The following ADAM12 variants were observed in gnomAD, a reference collection of about 807,000 sequenced individuals.
ADAM12 encodes the protein disintegrin and metalloproteinase domain-containing protein 12.
In ADAM12, 70 loss-of-function variants were observed where a neutral mutation model predicts 106.4. The observed-to-expected ratio is 0.66, with a 90% confidence interval of 0.54 to 0.80. The LOEUF (loss-of-function observed/expected upper bound fraction) is 0.80. Ranked by LOEUF, ADAM12 falls within the 30% of genes least tolerant of loss-of-function variation. The probability of loss-of-function intolerance (pLI) is 0.00; values close to 1 mark genes in which losing one functional copy is unlikely to be tolerated. For missense variants in ADAM12, 1,010 were observed against 1,171.9 expected, an observed-to-expected ratio of 0.86 and a Z score of 2.02; for synonymous variants, 420 against 433.5, an observed-to-expected ratio of 0.97 and a Z score of 0.39.
At chr10:126,085,643 A>G (rs1448381097) in intron 11 of ADAM12, among the ~76,000 whole-genome samples, 1 of 151,684 alleles carries the variant, frequency 6.6e-6, no homozygotes. Flanking sequence ...CTTTCCATCC[A>G]TCCTTTGTCT....
intron 3 of ADAM12, among the ~76,000 whole-genome samples, chr10:126,266,832 C>T (rs7913210): frequency 4.2e-4 from 64 of 152,170 alleles, no homozygotes; most frequent in Middle Eastern, 3.4e-3. Context: ...CTAAACAACC[C>T]GATTTCACGA....
intron 18 of ADAM12, among the ~76,000 whole-genome samples, chr10:126,040,485 C>G (rs1025865278): frequency 6.6e-6 from 1 of 152,272 alleles, no homozygotes; most frequent in Non-Finnish European, 1.5e-5. Context: ...GTCTTTCACA[C>G]CTTCTTGGTT....
intron 21 of ADAM12, among the ~76,000 whole-genome samples, chr10:126,028,926 A>G (rs1366844632): frequency 6.6e-6 from 1 of 152,212 alleles, no homozygotes; most frequent in Non-Finnish European, 1.5e-5. Flanking sequence ...ACAAGAAAAC[A>G]GTAAAAAGTG....
At chr10:126,038,390 C>A in intron 19 of ADAM12, 41 bp from the exon 20 acceptor site, 1 of 1,458,210 alleles carries the variant, frequency 6.9e-7, no homozygotes, top group East Asian at 2.4e-5. Context: ...GCGTGTTTCC[C>A]CTTCTCACTG....
At chr10:126,214,219 CACCAGATGCAGAAT>C (rs1332194578) in intron 3 of ADAM12, among the ~76,000 whole-genome samples, 1 of 152,192 alleles carries the variant, frequency 6.6e-6, no homozygotes, top group Non-Finnish European at 1.5e-5. Flanking sequence ...ATGCGCAGAA[CACCAGATGCAGAAT>C]GACAAGGATT....
chr10:126,361,049 T>C (rs1262843879), intron 1 of ADAM12, among the ~76,000 whole-genome samples: 4 of 152,116 alleles, frequency 2.6e-5, no homozygotes, highest in Non-Finnish European at 4.4e-5. Context: ...GTGAGGCTTA[T>C]TCACTATCAC....
intron 3 of ADAM12, among the ~76,000 whole-genome samples, chr10:126,219,382 C>G (rs1958047950): frequency 6.6e-6 from 1 of 152,170 alleles, no homozygotes; most frequent in South Asian, 2.1e-4. Flanking sequence ...CCTTTTCTCC[C>G]CGTGGGCCAG....
chr10:126,174,207 A>G (rs11244865), intron 3 of ADAM12, among the ~76,000 whole-genome samples: 23,452 of 148,108 alleles, frequency 0.16, 1,996 homozygotes, highest in East Asian at 0.34. Context: ...CCCACTGCCC[A>G]CCTCCCAATC....
At chr10:126,027,195 T>C (rs1198556706) in intron 21 of ADAM12, among the ~76,000 whole-genome samples, 2 of 152,148 alleles carry the variant, frequency 1.3e-5, no homozygotes, top group Admixed American at 6.5e-5. Flanking sequence ...AATCCCTGAA[T>C]AGGCCAATAA....
At chr10:126,168,978 G>T (rs547671472) in intron 3 of ADAM12, among the ~76,000 whole-genome samples, 1 of 152,074 alleles carries the variant, frequency 6.6e-6, no homozygotes, top group Non-Finnish European at 1.5e-5. Flanking sequence ...GTGTGAATCC[G>T]AGAGGCAGAG....
intron 1 of ADAM12, among the ~76,000 whole-genome samples, chr10:126,351,644 G>C (rs567423169): frequency 2.6e-5 from 4 of 152,206 alleles, no homozygotes; most frequent in African/African-American, 9.6e-5. Context: ...ATAGAGAAGG[G>C]GGAGGTCCAG....
intron 2 of ADAM12, among the ~76,000 whole-genome samples, chr10:126,292,450 G>C (rs1177684502): frequency 1.3e-5 from 2 of 152,098 alleles, no homozygotes; most frequent in Non-Finnish European, 2.9e-5. Flanking sequence ...TCATCAGCCA[G>C]TCCTGTATAT....
At chr10:126,368,659 GT>G (rs5788783) in intron 1 of ADAM12, among the ~76,000 whole-genome samples, 7 of 149,252 alleles carry the variant, frequency 4.7e-5, no homozygotes, top group East Asian at 2.0e-4. Context: ...TGTTGTTGTT[GT>G]TTTTTTTTGC....
intron 7 of ADAM12, 65 bp downstream of exon 7, chr10:126,109,710 C>T: frequency 2.0e-6 from 3 of 1,472,362 alleles, no homozygotes; most frequent in Non-Finnish European, 2.8e-6. Flanking sequence ...TAATAACTTG[C>T]AAAACATGTC....
At chr10:126,019,934 G>C (rs2292694) in intron 21 of ADAM12, 109 bp from the exon 22 acceptor site, 861,036 of 1,318,430 alleles carry the variant, frequency 0.65, 285,714 homozygotes, top group Non-Finnish European at 0.68. Context: ...ATATCATCCT[G>C]TCACCATACA....
At chr10:126,209,058 C>T (rs1029004477) in intron 3 of ADAM12, among the ~76,000 whole-genome samples, 1 of 152,154 alleles carries the variant, frequency 6.6e-6, no homozygotes, top group South Asian at 2.1e-4. Context: ...TTGAGACCAG[C>T]AAGAGAGCAA....
intron 3 of ADAM12, among the ~76,000 whole-genome samples, chr10:126,230,438 G>A (rs1223709249): frequency 6.6e-6 from 1 of 152,132 alleles, no homozygotes; most frequent in Admixed American, 6.5e-5. Flanking sequence ...CTGCTGAGTC[G>A]AATGCTGTAT....
chr10:126,085,750 C>T (rs920678782), intron 11 of ADAM12, among the ~76,000 whole-genome samples: 2 of 152,220 alleles, frequency 1.3e-5, no homozygotes, highest in African/African-American at 4.8e-5. Context: ...TTCCTTCCTC[C>T]CATCCATGCA....
At chr10:126,296,057 A>G (rs1467254448) in intron 2 of ADAM12, among the ~76,000 whole-genome samples, 1 of 152,230 alleles carries the variant, frequency 6.6e-6, no homozygotes, top group Non-Finnish European at 1.5e-5. Context: ...TGGAGAGAAG[A>G]GCAGGCTCAT....
Sources: allele counts gnomAD v4.1 joint callset (sites outside exome capture counted in the v4.1 genomes callset), GRCh38; gene constraint gnomAD v4.1.1; transcripts MANE v1.5; gene names NCBI Gene and HGNC (gene_info 2026-07-23, HGNC 2026-07-21).